ALDH1L2: variants seen among roughly 807,000 people sequenced by gnomAD.
The protein encoded by ALDH1L2 is aldehyde dehydrogenase 1 family member L2.
In ALDH1L2, 91 loss-of-function variants were observed where a neutral mutation model predicts 111.0. The observed-to-expected ratio is 0.82, with a 90% confidence interval of 0.69 to 0.98. The LOEUF is 0.98. Ranked by LOEUF, ALDH1L2 falls within the 50% of genes least tolerant of loss-of-function variation. The probability of loss-of-function intolerance (pLI) is 0.00; values close to 1 mark genes in which losing one functional copy is unlikely to be tolerated. For missense variants in ALDH1L2, 995 were observed against 1,126.8 expected (o/e 0.88, Z 1.67); for synonymous variants, 374 against 392.6 (o/e 0.95, Z 0.56).
At chr12:105,028,890 A>G (rs557491426) in intron 21 of ALDH1L2, among the ~76,000 whole-genome samples, 2 of 152,324 alleles carry the variant, frequency 1.3e-5, no homozygotes, top group South Asian at 2.1e-4. Flanking sequence ...GCTCACTGCA[A>G]TGCTCTATTG....
At chr12:105,072,936 T>C (rs1877821009) in intron 2 of ALDH1L2, among the ~76,000 whole-genome samples, 2 of 152,216 alleles carry the variant, frequency 1.3e-5, no homozygotes, top group South Asian at 4.1e-4. Flanking sequence ...GTCGTGCCAC[T>C]GCACTCCAGC....
intron 4 of ALDH1L2, 26 bp downstream of exon 4, chr12:105,068,693 A>T: frequency 7.1e-7 from 1 of 1,416,666 alleles, no homozygotes; most frequent in South Asian, 1.8e-5. Flanking sequence ...AGGTTTACTA[A>T]ATTCTGGGTG....
intron 21 of ALDH1L2, 136 bp downstream of exon 21, chr12:105,030,188 A>G (rs1874623416): frequency 7.0e-6 from 4 of 568,182 alleles, no homozygotes; most frequent in Non-Finnish European, 1.1e-5. Context: ...GTAACTTCTA[A>G]TTATTTAAGT....
rs535878085 is a variant in ALDH1L2 at position 105,044,257 on chromosome 12, T to C, written c.1863+2453A>G. On this transcript the variant is annotated intron_variant, in intron 15 of 22. Coordinates refer to ENST00000258494, the MANE Select transcript of ALDH1L2 (RefSeq NM_001034173.4). ...AAGAATGTTTGTAATTTTTGGACAT[T>C]ATATATACTCATTGCCATTCCTCAG... Among the ~76,000 whole-genome samples, 49 of 152,258 alleles carry C rather than the reference T, an allele frequency of 3.2e-4. 1 individual carries two copies. In the South Asian group the frequency reaches 9.8e-3, roughly 30 times the overall value.
At chr12:105,071,283 A>C in intron 2 of ALDH1L2, among the ~76,000 whole-genome samples, 1 of 152,184 alleles carries the variant, frequency 6.6e-6, no homozygotes. Flanking sequence ...AAAGATGAAG[A>C]GCGTAAGTGC....
intron 1 of ALDH1L2, among the ~76,000 whole-genome samples, chr12:105,082,878 A>G (rs905598588): frequency 6.6e-6 from 1 of 152,238 alleles, no homozygotes; most frequent in Non-Finnish European, 1.5e-5. Context: ...AACATTTTCT[A>G]CAGGATAAAA....
At chr12:105,041,712 T>C (rs2228699) in intron 15 of ALDH1L2, among the ~76,000 whole-genome samples, 54,768 of 152,028 alleles carry the variant, frequency 0.36, 10,098 homozygotes, top group South Asian at 0.51. Context: ...TTTTCCATTC[T>C]GTTCAATTAA....
chr12:105,079,417 T>C (rs970774179), intron 1 of ALDH1L2, among the ~76,000 whole-genome samples: 1 of 152,154 alleles, frequency 6.6e-6, no homozygotes, highest in African/African-American at 2.4e-5. Context: ...AACTTTTGTT[T>C]TTTCATCATA....
chr12:105,050,661 C>A (rs2136074809), intron 12 of ALDH1L2: 1 of 454,370 alleles, frequency 2.2e-6, no homozygotes, highest in South Asian at 1.6e-5. Flanking sequence ...AAATCCCCCT[C>A]CGACAATCTT....
chr12:105,049,047 A>AAT (rs552153772), intron 13 of ALDH1L2, among the ~76,000 whole-genome samples: 3,711 of 151,232 alleles, frequency 0.025, 53 homozygotes, highest in Middle Eastern at 0.041. Context: ...AGAAAAAAAA[A>AAT]TTTTTTTTTA....
At chr12:105,038,643 T>A (rs1028845824) in intron 17 of ALDH1L2, among the ~76,000 whole-genome samples, 3 of 151,998 alleles carry the variant, frequency 2.0e-5, no homozygotes, top group Non-Finnish European at 4.4e-5. Flanking sequence ...CCAGCCTGGG[T>A]GACAGTGTTA....
In ALDH1L2 at chr12:105,022,897, G is replaced by A. The variant is rs1050324600; in HGVS notation, c.*1527C>T. The A allele has an allele frequency of 2.0e-5, 3 of 152,050 alleles. No homozygotes were observed. The highest frequency in any genetic ancestry group is 4.4e-5 in the Non-Finnish European group (3 of 67,976). 9.4% of individuals were successfully genotyped at this position (152,050 alleles called of 1,614,324 possible). On this transcript the variant is annotated 3_prime_UTR_variant, in exon 23 of 23. Transcript: ENST00000258494. ...TCCCTAAGGCTTCTTCAAAGCCAAA[G>A]AAAAAGGAATGTTTACTGAAATTTT...
chr12:105,083,526 T>G (rs937445007), intron 1 of ALDH1L2, among the ~76,000 whole-genome samples: 1 of 152,212 alleles, frequency 6.6e-6, no homozygotes. Context: ...TATATACATA[T>G]GTACATATGG....
Position 105,075,323 on chromosome 12 carries a change from G to T in ALDH1L2, c.49-1318C>A, listed in dbSNP as rs189134119. ...ATGTTGGCCGGGCGCGGTGGCTCAC[G>T]CCTGTAATCCCAGCACTTTGGGAGG... On this transcript the variant is annotated intron_variant, in intron 1 of 22. Transcript: ENST00000258494. Among the ~76,000 whole-genome samples, 336 of 152,324 alleles carry T rather than the reference G, an allele frequency of 2.2e-3. 4 individuals carry two copies. Among genetic ancestry groups the T allele is most frequent in the East Asian group, 0.02 (103 of 5,190 alleles).
At chr12:105,064,956 G>C (rs984504411) in intron 6 of ALDH1L2, among the ~76,000 whole-genome samples, 1 of 152,138 alleles carries the variant, frequency 6.6e-6, no homozygotes, top group African/African-American at 2.4e-5. Flanking sequence ...GCAAAGCAGT[G>C]AGCTTTTCTA....
intron 15 of ALDH1L2, among the ~76,000 whole-genome samples, chr12:105,042,633 A>G (rs1158487803): frequency 6.6e-6 from 1 of 152,174 alleles, no homozygotes; most frequent in East Asian, 1.9e-4. Context: ...CTATGCTTCC[A>G]AAAGTCAGGA....
rs568621256 is a variant in ALDH1L2, at chr12:105,053,313, T to G, written c.1288-382A>C. On this transcript the variant is annotated intron_variant, in intron 10 of 22. Transcript: ENST00000258494. ...AAATGCCTTTGTCAATAGGTTTCCT[T>G]TTACACTGGTGCCATTTTAAGTTTG... Among the ~76,000 whole-genome samples, 25 of 152,308 alleles carry G rather than the reference T, an allele frequency of 1.6e-4. No homozygotes were observed. In the South Asian group the frequency reaches 5.0e-3, roughly 30 times the overall value.
At chr12:105,030,971 C>A (rs1592763456) in intron 20 of ALDH1L2, among the ~76,000 whole-genome samples, 1 of 152,170 alleles carries the variant, frequency 6.6e-6, no homozygotes, top group East Asian at 1.9e-4. Flanking sequence ...ATCTTTTACT[C>A]TAAAACATTT....
intron 10 of ALDH1L2, 35 bp downstream of exon 10, chr12:105,058,038 C>G: frequency 6.3e-7 from 1 of 1,595,058 alleles, no homozygotes; most frequent in Non-Finnish European, 8.5e-7. Context: ...ATGGATCTCA[C>G]TGATTTAGGG....
Sources: allele counts gnomAD v4.1 joint callset (sites outside exome capture counted in the v4.1 genomes callset), GRCh38; gene constraint gnomAD v4.1.1; transcripts MANE v1.5; gene names NCBI Gene and HGNC (gene_info 2026-07-23, HGNC 2026-07-21).